Variants in HERC1 observed in about 807,000 individuals in gnomAD.
The protein encoded by HERC1 is probable E3 ubiquitin-protein ligase HERC1.
In HERC1, 160 loss-of-function variants were observed where a neutral mutation model predicts 554.3. That is an observed-to-expected ratio of 0.29 (90% CI 0.25 to 0.33). The LOEUF is 0.33. Among genes scored for constraint, HERC1 ranks in the 10% least tolerant of loss-of-function variants. HERC1 has a pLI of 1.00. For synonymous variants in HERC1, 2,175 were observed against 2,131.7 expected (o/e 1.02, Z -0.56); for missense variants, 4,919 against 5,918.5 (o/e 0.83, Z 5.54).
chr15:63,683,659 G>C (rs2071597310), intron 34 of HERC1, among the ~76,000 whole-genome samples: 1 of 152,116 alleles, frequency 6.6e-6, no homozygotes, highest in South Asian at 2.1e-4. Context: ...GTTTGTTTTT[G>C]TTTTTAAGAG....
chr15:63,808,730 C>G (rs2077206884), intron 1 of HERC1, among the ~76,000 whole-genome samples: 1 of 152,092 alleles, frequency 6.6e-6, no homozygotes, highest in Non-Finnish European at 1.5e-5. Flanking sequence ...ACACAAATAC[C>G]TTAATTTGCA....
intron 1 of HERC1, among the ~76,000 whole-genome samples, chr15:63,776,930 A>G (rs958058045): frequency 1.2e-4 from 18 of 152,378 alleles, no homozygotes; most frequent in African/African-American, 4.1e-4. Context: ...TGAGGGAAGT[A>G]AACAGACATC....
At chr15:63,757,048 C>A (rs1013659376) in intron 4 of HERC1, among the ~76,000 whole-genome samples, 37 of 151,554 alleles carry the variant, frequency 2.4e-4, no homozygotes, top group African/African-American at 8.7e-4. Flanking sequence ...CTGAGAATGG[C>A]AAGACATAAA....
intron 48 of HERC1, among the ~76,000 whole-genome samples, chr15:63,657,624 C>T (rs796588573): frequency 8.5e-5 from 13 of 152,218 alleles, no homozygotes; most frequent in African/African-American, 3.1e-4. Context: ...CAGAGGTTTT[C>T]TATTTTATTG....
At chr15:63,774,053 T>C (rs765919939) in intron 2 of HERC1, among the ~76,000 whole-genome samples, 2 of 152,334 alleles carry the variant, frequency 1.3e-5, no homozygotes, top group Non-Finnish European at 2.9e-5. Context: ...CCCTTCATTC[T>C]GGTCTCTACT....
chr15:63,680,331 T>A lies in HERC1; in HGVS notation c.6466-171A>T, dbSNP rs1307166624. ...AAATTCTACATATAATAAGTGATCA[T>A]AATGTGTTCATCTGTTTCAAAAATC... is the stretch of plus-strand genomic sequence containing the variant. On this transcript the variant is annotated intron_variant, in intron 35 of 77. Transcript: ENST00000443617. This position sits in a 1 kb window ranked among gnomAD's most constrained non-coding sequence, Gnocchi z 5.8. Among the ~76,000 whole-genome samples, 3 of 152,214 alleles carry A rather than the reference T, an allele frequency of 2.0e-5. No homozygotes were observed. The highest frequency in any genetic ancestry group is 4.4e-5 in the Non-Finnish European group (3 of 68,040).
rs568383309 is a variant in HERC1, at chr15:63,635,870, T to G, written c.12414+91A>C. The G allele has an allele frequency of 1.4e-5, 17 of 1,255,996 alleles. No homozygotes were observed. The East Asian group carries it at 2.1e-4, about 15-fold the overall frequency. 77.8% of individuals were successfully genotyped at this position (1,255,996 alleles called of 1,614,324 possible). A position where few individuals can be genotyped will look rare whatever the true frequency, so the allele number is the denominator to read the frequency against. On this transcript the variant is annotated intron_variant, in intron 65 of 77. Transcript: ENST00000443617. ...TTATAATTACTGTGTAATATATTTT[T>G]ACTATATTTTCTGTTACCTAATTTT...
chr15:63,717,930 C>A (rs1176272758), intron 21 of HERC1, among the ~76,000 whole-genome samples: 1 of 152,078 alleles, frequency 6.6e-6, no homozygotes, highest in African/African-American at 2.4e-5. Flanking sequence ...CAACTCTAAT[C>A]ATCAGAAAGC....
chr15:63,803,709 GATT>G (rs1372204219), intron 1 of HERC1, among the ~76,000 whole-genome samples: 1 of 152,160 alleles, frequency 6.6e-6, no homozygotes, highest in African/African-American at 2.4e-5. Context: ...ACTCTTTCAA[GATT>G]ATTAAATGAT....
intron 63 of HERC1, among the ~76,000 whole-genome samples, chr15:63,638,029 T>C (rs1368235183): frequency 6.6e-6 from 1 of 152,134 alleles, no homozygotes; most frequent in Non-Finnish European, 1.5e-5. Flanking sequence ...CGAGAAGGGT[T>C]TGGCGCTATA....
At chr15:63,697,417 C>T (rs142075179) in intron 26 of HERC1, among the ~76,000 whole-genome samples, 63 of 149,588 alleles carry the variant, frequency 4.2e-4, no homozygotes, top group African/African-American at 1.5e-3. Context: ...TACACTATAT[C>T]GACATGACTT....
chr15:63,632,680 C>G (rs766519126), intron 68 of HERC1, 29 bp downstream of exon 68: 3 of 1,383,288 alleles, frequency 2.2e-6, no homozygotes, highest in Non-Finnish European at 3.0e-6. Context: ...TGATGTGTAC[C>G]CAAGCAAATA....
rs761264488 is a variant in HERC1, at chr15:63,773,834, C to T, written c.930+860G>A. Reference sequence around the variant, plus strand: ...TGCTGGGATTACAGGCATGAGACACCGCACCCAGCCTAAATTTGTATTTTA... The same window carrying T: ...TGCTGGGATTACAGGCATGAGACACTGCACCCAGCCTAAATTTGTATTTTA... On this transcript the variant is annotated intron_variant, in intron 2 of 77. Transcript: ENST00000443617. Among the ~76,000 whole-genome samples, 18 of 152,052 alleles carry T rather than the reference C, an allele frequency of 1.2e-4. 1 individual carries two copies. The highest frequency in any genetic ancestry group is 2.6e-4 in the Admixed American group (4 of 15,262).
Position 63,749,695 on chromosome 15 carries a change from T to G in HERC1, c.1999A>C (p.Ile667Leu), listed in dbSNP as rs2075172162. ...KLIEELAATR[I>L]VDVSIGDSHC... The stretch of plus-strand genomic sequence containing the variant: ...CTGTCTCCAATAGAAACATCAACTA[T>G]TCTTGTGGCAGCCAGTTCTTCAATA... Residue 667 changes from isoleucine (I) to leucine (L), a missense_variant, in exon 9 of 78, where the codon ATA becomes CTA. This residue lies in a region of HERC1 where 744 missense variants were observed against 1,090.0 expected (regional missense o/e 0.68). Coordinates refer to ENST00000443617, the MANE Select transcript of HERC1 (RefSeq NM_003922.4). The surrounding 1 kb of genome is among the most constrained non-coding windows in gnomAD (Gnocchi z 4.1). 6.3e-7 allele frequency: 1 copy of G among 1,593,538 alleles called. No individual in the cohort carries two copies. Among genetic ancestry groups the G allele is most frequent in the Non-Finnish European group, 8.6e-7 (1 of 1,169,114 alleles).
chr15:63,640,590 T>C, intron 60 of HERC1, 145 bp from the exon 61 acceptor site: 2 of 717,842 alleles, frequency 2.8e-6, no homozygotes, highest in Non-Finnish European at 4.5e-6. Context: ...AGATTTAGAG[T>C]GAGTTGTACA....
In HERC1 at chr15:63,692,406, T is replaced by C; in HGVS notation, c.5830+5A>G. 1 of 1,595,246 alleles carries C rather than the reference T, an allele frequency of 6.3e-7. No individual in the cohort carries two copies. ...TACTCTAAGACAAAGGCAAAGGACA[T>C]GTACCTGAAGAACATTTCTGAGATG... is the stretch of plus-strand genomic sequence containing the variant. On this transcript the variant is annotated splice_donor_5th_base_variant and intron_variant, in intron 31 of 77. Coordinates refer to ENST00000443617, the MANE Select transcript of HERC1 (RefSeq NM_003922.4). The surrounding 1 kb of genome is among the most constrained non-coding windows in gnomAD (Gnocchi z 4.7).
At chr15:63,809,900 G>A (rs765553984) in intron 1 of HERC1, among the ~76,000 whole-genome samples, 64 of 151,598 alleles carry the variant, frequency 4.2e-4, no homozygotes, top group Non-Finnish European at 6.0e-4. Flanking sequence ...GACTAGTCTC[G>A]AACCCCTGGG....
At chr15:63,695,911 C>T (rs142768471) in intron 27 of HERC1, among the ~76,000 whole-genome samples, 5 of 152,180 alleles carry the variant, frequency 3.3e-5, no homozygotes, top group Non-Finnish European at 7.4e-5. Flanking sequence ...TTAATAAAAC[C>T]GAGCCAGCAA....
chr15:63,802,927 G>A (rs2095873361), intron 1 of HERC1, among the ~76,000 whole-genome samples: 1 of 152,122 alleles, frequency 6.6e-6, no homozygotes, highest in Admixed American at 6.5e-5. Context: ...TATAAAATAG[G>A]GGCTGCGTGT....
Sources: allele counts gnomAD v4.1 joint callset (sites outside exome capture counted in the v4.1 genomes callset), GRCh38; gene constraint gnomAD v4.1.1; regional missense constraint gnomAD v4.1.1; non-coding constraint Gnocchi (gnomAD v3.1); transcripts MANE v1.5; gene names NCBI Gene and HGNC (gene_info 2026-07-23, HGNC 2026-07-21).